Variants in OSBPL2 observed in about 807,000 individuals in gnomAD.
OSBPL2 encodes oxysterol-binding protein-related protein 2.
A neutral mutation model predicts 58.4 loss-of-function variants in OSBPL2; 18 were observed. The ratio of observed to expected loss-of-function variants is 0.31; its 90% CI spans 0.21 to 0.46. The LOEUF is 0.46. Ranked by LOEUF, OSBPL2 falls within the 20% of genes least tolerant of loss-of-function variation. OSBPL2 has a pLI of 1.00. For missense variants in OSBPL2, 461 were observed against 616.5 expected, an observed-to-expected ratio of 0.75 and a Z score of 2.67; for synonymous variants, 221 against 234.1, an observed-to-expected ratio of 0.94 and a Z score of 0.51.
chr20:62,245,380 A>G (rs1408649650), intron 1 of OSBPL2, among the ~76,000 whole-genome samples: 1 of 152,176 alleles, frequency 6.6e-6, no homozygotes, highest in African/African-American at 2.4e-5. Context: ...GGCGTGAGCC[A>G]CCGCGCCCGG....
At chr20:62,246,091 C>T (rs984729877) in intron 1 of OSBPL2, among the ~76,000 whole-genome samples, 1 of 152,250 alleles carries the variant, frequency 6.6e-6, no homozygotes, top group Non-Finnish European at 1.5e-5. Context: ...CTCGCAGAGG[C>T]CTGGACCTGC....
chr20:62,290,608 GAC>G, intron 12 of OSBPL2, among the ~76,000 whole-genome samples: 1 of 151,304 alleles, frequency 6.6e-6, no homozygotes, highest in Admixed American at 6.6e-5. Context: ...TTTTAGTAGA[GAC>G]AGGGTTTCAC....
chr20:62,291,236 T>C (rs1983490453), intron 12 of OSBPL2: 1 of 235,588 alleles, frequency 4.2e-6, no homozygotes, highest in Non-Finnish European at 8.5e-6. Flanking sequence ...TCTCATGCTT[T>C]GTATTCAGAA....
chr20:62,273,425 A>G lies in OSBPL2; in HGVS notation c.491+19A>G, dbSNP rs768380254. ...TAATCAGGTAAGGGGGGAAAGGCCC[A>G]TCATAAATATCTTGTAAATGGAATT... On this transcript the variant is annotated intron_variant, in intron 6 of 13. Transcript: ENST00000313733. 3.3e-6 allele frequency: 5 copies of G among 1,516,626 alleles called. No individual in the cohort carries two copies. Among genetic ancestry groups the G allele is most frequent in the South Asian group, 1.2e-5 (1 of 86,266 alleles). 93.9% of individuals were successfully genotyped at this position (1,516,626 alleles called of 1,614,324 possible).
At chr20:62,246,216 G>T (rs1014053832) in intron 1 of OSBPL2, among the ~76,000 whole-genome samples, 1 of 152,252 alleles carries the variant, frequency 6.6e-6, no homozygotes, top group African/African-American at 2.4e-5. Context: ...TCAGCCCCAT[G>T]GGGCCCCGGG....
In OSBPL2 at chr20:62,281,346, A is replaced by G. The variant is rs1302054439; in HGVS notation, c.782+181A>G. 21 of 578,830 alleles carry G rather than the reference A, an allele frequency of 3.6e-5. No individual in the cohort carries two copies. The South Asian group carries it at 4.0e-4, about 11-fold the overall frequency. 35.9% of individuals were successfully genotyped at this position (578,830 alleles called of 1,614,324 possible). On this transcript the variant is annotated intron_variant, in intron 8 of 13. Coordinates refer to ENST00000313733, the MANE Select transcript of OSBPL2 (RefSeq NM_144498.4). ...TGACTCTGACCGGTGTTGGCCATGA[A>G]TGCTCCTCGTTCAAGACCTCGTTTT...
chr20:62,272,870 T>C (rs888560115), intron 5 of OSBPL2, among the ~76,000 whole-genome samples: 1 of 152,226 alleles, frequency 6.6e-6, no homozygotes, highest in Non-Finnish European at 1.5e-5. Flanking sequence ...CACTCCAGCC[T>C]GGGTGACAGA....
At chr20:62,258,542 T>C (rs1981087175) in intron 2 of OSBPL2, among the ~76,000 whole-genome samples, 1 of 152,222 alleles carries the variant, frequency 6.6e-6, no homozygotes. Flanking sequence ...CGATAGGAGA[T>C]CTCAGCTTCC....
intron 13 of OSBPL2, among the ~76,000 whole-genome samples, chr20:62,292,845 A>G (rs1302408096): frequency 6.6e-6 from 1 of 151,620 alleles, no homozygotes; most frequent in Non-Finnish European, 1.5e-5. Flanking sequence ...CCCTTAATCC[A>G]GAGAAAAATC....
chr20:62,289,154 G>A, intron 11 of OSBPL2, 53 bp from the exon 12 acceptor site: 2 of 1,601,754 alleles, frequency 1.2e-6, no homozygotes, highest in Non-Finnish European at 1.7e-6. Flanking sequence ...TTGGAGCATA[G>A]TCCATGGTTC....
At chr20:62,265,830 T>A (rs1981626962) in intron 4 of OSBPL2, among the ~76,000 whole-genome samples, 1 of 152,238 alleles carries the variant, frequency 6.6e-6, no homozygotes, top group Non-Finnish European at 1.5e-5. Context: ...ATTTTGACTC[T>A]CTTAAATTCT....
intron 1 of OSBPL2, among the ~76,000 whole-genome samples, chr20:62,241,175 A>T (rs1202965410): frequency 2.0e-5 from 3 of 146,890 alleles, no homozygotes; most frequent in African/African-American, 7.5e-5. Context: ...GGGTCTTGGA[A>T]TTTTTTTTTT....
chr20:62,258,089 G>A (rs1420264223), intron 2 of OSBPL2, among the ~76,000 whole-genome samples: 1 of 152,152 alleles, frequency 6.6e-6, no homozygotes, highest in Non-Finnish European at 1.5e-5. Flanking sequence ...TACTCAGATG[G>A]ACTCCACTGT....
At chr20:62,287,360 G>A (rs986480406) in intron 11 of OSBPL2, among the ~76,000 whole-genome samples, 1 of 152,180 alleles carries the variant, frequency 6.6e-6, no homozygotes, top group African/African-American at 2.4e-5. Flanking sequence ...CAGAACATGC[G>A]TAAAATACAG....
intron 10 of OSBPL2, chr20:62,284,575 A>G (rs991669351): frequency 3.2e-5 from 6 of 187,004 alleles, no homozygotes; most frequent in Non-Finnish European, 6.8e-5. Context: ...GGGTCTTGCT[A>G]TGTTGCCCAG....
intron 9 of OSBPL2, 25 bp downstream of exon 9, chr20:62,281,904 G>A (rs1272093691): frequency 6.7e-7 from 1 of 1,492,838 alleles, no homozygotes; most frequent in Admixed American, 1.7e-5. Flanking sequence ...AGTGTTCATG[G>A]GGCACCACTA....
chr20:62,260,241 G>A, intron 3 of OSBPL2, 116 bp downstream of exon 3: 2 of 969,284 alleles, frequency 2.1e-6, no homozygotes, highest in Non-Finnish European at 3.1e-6. Context: ...CCCCACAGCT[G>A]TCTGGCCTCC....
Position 62,293,975 on chromosome 20 carries a change from A to G in OSBPL2, c.*88A>G, listed in dbSNP as rs557508570. On this transcript the variant is annotated 3_prime_UTR_variant, in exon 14 of 14. Coordinates refer to ENST00000313733, the MANE Select transcript of OSBPL2 (RefSeq NM_144498.4). ...CACTGTGAGCCTCGTCACAGCAGAAACCAACTTTTCTAACGACTGAGTTCG... is the reference window on the plus strand; with the variant it reads ...CACTGTGAGCCTCGTCACAGCAGAAGCCAACTTTTCTAACGACTGAGTTCG... 16 of 1,518,934 alleles carry G rather than the reference A, an allele frequency of 1.1e-5. No homozygotes were observed. In the East Asian group the frequency reaches 3.8e-4, roughly 36 times the overall value. The allele number at this position is 1,518,934 out of a possible 1,614,324, so 94.1% of individuals were successfully genotyped here. A position where few individuals can be genotyped will look rare whatever the true frequency, so the allele number is the denominator to read the frequency against.
chr20:62,281,981 A>T, intron 9 of OSBPL2, 102 bp downstream of exon 9: 1 of 678,768 alleles, frequency 1.5e-6, no homozygotes, highest in Non-Finnish European at 2.8e-6. Flanking sequence ...CGTGCATGAG[A>T]CGCGGGTACA....
Sources: allele counts gnomAD v4.1 joint callset (sites outside exome capture counted in the v4.1 genomes callset), GRCh38; gene constraint gnomAD v4.1.1; transcripts MANE v1.5; gene names NCBI Gene and HGNC (gene_info 2026-07-23, HGNC 2026-07-21).